The following ADGRL3 variants were observed in gnomAD, a reference collection of about 807,000 sequenced individuals.
ADGRL3 encodes calcium-independent alpha-latrotoxin receptor 3.
A neutral mutation model predicts 153.5 loss-of-function variants in ADGRL3; 62 were observed. The observed-to-expected ratio is 0.40, with a 90% CI of 0.33 to 0.50. The LOEUF is 0.50. ADGRL3 is among the 20% of genes least tolerant of loss of function. ADGRL3 has a pLI of 0.47. For missense variants in ADGRL3, 1,641 were observed against 1,859.4 expected (o/e 0.88, Z 2.16); for synonymous variants, 710 against 672.5 (o/e 1.06, Z -0.86).
chr4:61,961,799 TAGAA>T (rs943402075), intron 17 of ADGRL3, among the ~76,000 whole-genome samples: 5 of 152,192 alleles, frequency 3.3e-5, no homozygotes, highest in South Asian at 4.1e-4. Context: ...AAATTATTCA[TAGAA>T]AGAGAGCAGC....
intron 1 of ADGRL3, among the ~76,000 whole-genome samples, chr4:61,371,388 G>T (rs1384862787): frequency 2.1e-4 from 32 of 151,790 alleles, no homozygotes; most frequent in South Asian, 8.4e-4. Context: ...CTTTCCATGT[G>T]TAGCGCTTCC....
At chr4:61,386,404 A>G (rs1472079149) in intron 2 of ADGRL3, among the ~76,000 whole-genome samples, 1 of 152,172 alleles carries the variant, frequency 6.6e-6, no homozygotes, top group Non-Finnish European at 1.5e-5. Flanking sequence ...TCCTAAGAAT[A>G]TATTTTGTTT....
At chr4:61,807,425 T>G (rs542373248) in intron 8 of ADGRL3, among the ~76,000 whole-genome samples, 3 of 152,210 alleles carry the variant, frequency 2.0e-5, no homozygotes, top group African/African-American at 4.8e-5. Flanking sequence ...GCTTTCAAAA[T>G]TAACATTTGT....
At chr4:61,998,710 A>G (rs2099130319) in intron 21 of ADGRL3, among the ~76,000 whole-genome samples, 1 of 151,662 alleles carries the variant, frequency 6.6e-6, no homozygotes, top group Non-Finnish European at 1.5e-5. Context: ...CGATTAGCTG[A>G]GACCACAGGT....
At chr4:61,468,625 C>G (rs1353118244) in intron 2 of ADGRL3, among the ~76,000 whole-genome samples, 2 of 152,052 alleles carry the variant, frequency 1.3e-5, no homozygotes, top group Non-Finnish European at 2.9e-5. Flanking sequence ...AGTGGAGAGA[C>G]AGAACTGAGA....
chr4:61,206,152 T>G (rs1450863148), intron 1 of ADGRL3, among the ~76,000 whole-genome samples: 1 of 152,228 alleles, frequency 6.6e-6, no homozygotes, highest in Admixed American at 6.5e-5. Context: ...CTTCCTTATG[T>G]CTTATTGACA....
chr4:61,968,856 T>C (rs28433350), intron 17 of ADGRL3, among the ~76,000 whole-genome samples: 2,651 of 152,262 alleles, frequency 0.017, 83 homozygotes, highest in African/African-American at 0.061. Context: ...AATATGCAGA[T>C]AGATGAGTAC....
At chr4:61,597,396 A>C (rs2098993413) in intron 5 of ADGRL3, among the ~76,000 whole-genome samples, 1 of 152,102 alleles carries the variant, frequency 6.6e-6, no homozygotes, top group Non-Finnish European at 1.5e-5. Context: ...AAGCTTATTG[A>C]TGTTGTTGAA....
intron 5 of ADGRL3, among the ~76,000 whole-genome samples, chr4:61,654,674 A>G (rs949784515): frequency 6.6e-6 from 1 of 152,124 alleles, no homozygotes; most frequent in African/African-American, 2.4e-5. Context: ...CAAGGTGGGC[A>G]GATCACGAGG....
At chr4:61,534,883 A>G (rs975746484) in intron 4 of ADGRL3, among the ~76,000 whole-genome samples, 10 of 152,100 alleles carry the variant, frequency 6.6e-5, no homozygotes, top group Non-Finnish European at 1.5e-4. Context: ...ATCAGTGAAC[A>G]GAGATAATTT....
intron 9 of ADGRL3, among the ~76,000 whole-genome samples, chr4:61,817,491 A>C (rs993832317): frequency 6.6e-6 from 1 of 152,086 alleles, no homozygotes; most frequent in Non-Finnish European, 1.5e-5. Flanking sequence ...ACCCACTGCC[A>C]GTCTCCTCTC....
chr4:62,052,360 C>T (rs529796391), intron 25 of ADGRL3, among the ~76,000 whole-genome samples: 4 of 151,480 alleles, frequency 2.6e-5, no homozygotes, highest in East Asian at 1.9e-4. Context: ...AAGTTATTCA[C>T]GTCTTTATTT....
intron 2 of ADGRL3, among the ~76,000 whole-genome samples, chr4:61,400,955 A>G (rs1229075231): frequency 1.3e-5 from 2 of 151,660 alleles, no homozygotes; most frequent in African/African-American, 2.4e-5. Flanking sequence ...ATTTTAAATG[A>G]TTATTTTTAT....
chr4:61,638,798 G>A (rs978936542), intron 5 of ADGRL3, among the ~76,000 whole-genome samples: 1 of 152,134 alleles, frequency 6.6e-6, no homozygotes, highest in Non-Finnish European at 1.5e-5. Flanking sequence ...AATTGGTGAC[G>A]TGATCAGTGG....
intron 5 of ADGRL3, among the ~76,000 whole-genome samples, chr4:61,672,971 A>G (rs2095058066): frequency 6.6e-6 from 1 of 151,994 alleles, no homozygotes; most frequent in African/African-American, 2.4e-5. Flanking sequence ...TGTGGTATAC[A>G]TAAATATATA....
At chr4:61,357,107 C>T (rs1000536072) in intron 1 of ADGRL3, among the ~76,000 whole-genome samples, 13 of 151,814 alleles carry the variant, frequency 8.6e-5, no homozygotes, top group Admixed American at 5.3e-4. Context: ...GGGATTTTAA[C>T]GTTTATTTTT....
At chr4:61,585,838 A>T (rs2098944263) in intron 4 of ADGRL3, among the ~76,000 whole-genome samples, 1 of 152,004 alleles carries the variant, frequency 6.6e-6, no homozygotes, top group Non-Finnish European at 1.5e-5. Flanking sequence ...TTAAATATAT[A>T]TGTCCAGCAA....
At chr4:61,665,627 T>G (rs1056792592) in intron 5 of ADGRL3, among the ~76,000 whole-genome samples, 3 of 152,178 alleles carry the variant, frequency 2.0e-5, no homozygotes, top group Non-Finnish European at 4.4e-5. Context: ...CAACCCACCT[T>G]TCAATTTTTA....
intron 1 of ADGRL3, among the ~76,000 whole-genome samples, chr4:61,371,620 C>T (rs1479118268): frequency 6.6e-6 from 1 of 152,090 alleles, no homozygotes; most frequent in Non-Finnish European, 1.5e-5. Context: ...TGATGGGCTT[C>T]CCTTTGAGGG....
Sources: allele counts gnomAD v4.1 joint callset (sites outside exome capture counted in the v4.1 genomes callset), GRCh38; gene constraint gnomAD v4.1.1; transcripts MANE v1.5; gene names NCBI Gene and HGNC (gene_info 2026-07-23, HGNC 2026-07-21).